DLG2: variants seen among roughly 807,000 people sequenced by gnomAD.
The protein encoded by DLG2 is disks large homolog 2.
A neutral mutation model predicts 132.5 loss-of-function variants in DLG2; 45 were observed. That is an observed-to-expected ratio of 0.34 (90% CI 0.27 to 0.44). The LOEUF (loss-of-function observed/expected upper bound fraction) is 0.44, where lower values mean the gene tolerates loss of function less well. Among genes scored for constraint, DLG2 ranks in the 20% least tolerant of loss-of-function variants. The pLI, the probability that DLG2 is intolerant of heterozygous loss-of-function variation, is 1.00. For synonymous variants in DLG2, 424 were observed against 419.6 expected (o/e 1.01, Z -0.13); for missense variants, 1,045 against 1,196.9 (o/e 0.87, Z 1.87).
chr11:84,799,139 G>A (rs1364967910), intron 6 of DLG2, among the ~76,000 whole-genome samples: 2 of 152,180 alleles, frequency 1.3e-5, no homozygotes, highest in Non-Finnish European at 2.9e-5. Context: ...GCTTGCCTAA[G>A]AATTACAGTC....
chr11:84,105,834 C>A (rs2092867520), intron 9 of DLG2, among the ~76,000 whole-genome samples: 1 of 152,162 alleles, frequency 6.6e-6, no homozygotes, highest in Admixed American at 6.6e-5. Flanking sequence ...GAACACCTAT[C>A]TGTTCCTTTT....
intron 9 of DLG2, among the ~76,000 whole-genome samples, chr11:84,123,003 G>T (rs892358139): frequency 5.3e-5 from 8 of 152,028 alleles, no homozygotes; most frequent in Admixed American, 3.3e-4. Flanking sequence ...GAAGAAAGAA[G>T]GAAAATATTG....
chr11:83,733,939 A>G (rs1315510414), intron 18 of DLG2, among the ~76,000 whole-genome samples: 1 of 145,864 alleles, frequency 6.9e-6, no homozygotes, highest in Non-Finnish European at 1.5e-5. Context: ...CACCCTCCCA[A>G]GTCTCCAGTG....
rs150860987 is a variant in DLG2, at chr11:85,485,721, G to A, written c.40+112936C>T. Among the ~76,000 whole-genome samples the A allele has an allele frequency of 2.4e-4, 37 of 152,258 alleles. No homozygotes were observed. The Middle Eastern group carries it at 0.01, about 42-fold the overall frequency. On this transcript the variant is annotated intron_variant, in intron 3 of 27. Coordinates refer to ENST00000376104, the MANE Select transcript of DLG2 (RefSeq NM_001142699.3). ...TTCTTGGCTATGAGAGAACCTCTTGGCCCACAGACCTTTGGCCTGACATGA... is the reference window on the plus strand; with the variant it reads ...TTCTTGGCTATGAGAGAACCTCTTGACCCACAGACCTTTGGCCTGACATGA...
At chr11:83,799,885 A>G (rs927800265) in intron 17 of DLG2, among the ~76,000 whole-genome samples, 3 of 152,244 alleles carry the variant, frequency 2.0e-5, no homozygotes, top group Admixed American at 6.5e-5. Context: ...TCCTGTGGTC[A>G]GTACCCTGGT....
intron 26 of DLG2, among the ~76,000 whole-genome samples, chr11:83,464,789 G>A (rs2090702333): frequency 6.6e-6 from 1 of 151,882 alleles, no homozygotes; most frequent in African/African-American, 2.4e-5. Context: ...CATTCCCCTG[G>A]GAAGCCATTT....
intron 7 of DLG2, among the ~76,000 whole-genome samples, chr11:84,315,972 TC>T (rs2098350166): frequency 6.6e-6 from 1 of 152,292 alleles, no homozygotes; most frequent in Middle Eastern, 3.4e-3. Context: ...TATTAAACAG[TC>T]ATTGTTCTGT....
chr11:84,262,261 G>A (rs2097557096), intron 7 of DLG2, among the ~76,000 whole-genome samples: 1 of 152,288 alleles, frequency 6.6e-6, no homozygotes, highest in East Asian at 1.9e-4. Flanking sequence ...ATGGAACAAG[G>A]ATGGTAGCTG....
intron 5 of DLG2, among the ~76,000 whole-genome samples, chr11:85,153,059 C>T (rs1001814262): frequency 6.6e-5 from 10 of 152,198 alleles, no homozygotes; most frequent in African/African-American, 2.4e-4. Flanking sequence ...TCAATCCTTT[C>T]ATATATAACT....
chr11:85,393,976 G>C (rs926313300), intron 3 of DLG2, among the ~76,000 whole-genome samples: 21 of 151,822 alleles, frequency 1.4e-4, no homozygotes, highest in Non-Finnish European at 2.5e-4. Context: ...TCAGGGGATG[G>C]GTGCACCAAA....
chr11:83,957,522 A>C (rs1027797444), intron 14 of DLG2, among the ~76,000 whole-genome samples: 1 of 149,110 alleles, frequency 6.7e-6, no homozygotes, highest in Non-Finnish European at 1.5e-5. Context: ...CTTTTTTTCC[A>C]GTGGTCTCTC....
At chr11:84,854,086 A>T (rs1209933401) in intron 6 of DLG2, among the ~76,000 whole-genome samples, 1 of 152,020 alleles carries the variant, frequency 6.6e-6, no homozygotes, top group African/African-American at 2.4e-5. Context: ...CATTGCTTAT[A>T]TGTTGACAGG....
At chr11:83,810,881 T>C (rs2047086330) in intron 17 of DLG2, among the ~76,000 whole-genome samples, 1 of 152,088 alleles carries the variant, frequency 6.6e-6, no homozygotes, top group African/African-American at 2.4e-5. Context: ...ATATATAAGA[T>C]GATCTCCTAC....
chr11:85,491,331 T>C (rs2093556051), intron 3 of DLG2, among the ~76,000 whole-genome samples: 1 of 152,122 alleles, frequency 6.6e-6, no homozygotes, highest in Non-Finnish European at 1.5e-5. Flanking sequence ...AGGAAAAAGA[T>C]GAAAGCATTT....
At chr11:84,021,241 G>A (rs1384182257) in intron 11 of DLG2, among the ~76,000 whole-genome samples, 1 of 151,902 alleles carries the variant, frequency 6.6e-6, no homozygotes, top group Non-Finnish European at 1.5e-5. Context: ...AAAAGTAACT[G>A]AGACTCAGAA....
chr11:84,252,145 T>C (rs1445775164), intron 7 of DLG2, among the ~76,000 whole-genome samples: 2 of 125,794 alleles, frequency 1.6e-5, no homozygotes, highest in East Asian at 2.3e-4. Context: ...TCTTTCTTTT[T>C]TTTTTTTTTT....
intron 16 of DLG2, among the ~76,000 whole-genome samples, chr11:83,867,813 T>C (rs554961422): frequency 1.3e-5 from 2 of 152,294 alleles, no homozygotes; most frequent in South Asian, 4.1e-4. Flanking sequence ...TTCCTAGCTC[T>C]CCATAGTCTC....
chr11:84,199,618 C>T (rs781720006), intron 8 of DLG2, among the ~76,000 whole-genome samples: 2 of 151,608 alleles, frequency 1.3e-5, no homozygotes, highest in Non-Finnish European at 2.9e-5. Context: ...TTAAAAAGAA[C>T]AAAATCAAAA....
intron 3 of DLG2, among the ~76,000 whole-genome samples, chr11:85,541,272 T>C (rs1023701036): frequency 6.6e-6 from 1 of 152,144 alleles, no homozygotes; most frequent in Admixed American, 6.5e-5. Context: ...TTAATACTTA[T>C]GTATTTATAG....
Sources: allele counts gnomAD v4.1 joint callset (sites outside exome capture counted in the v4.1 genomes callset), GRCh38; gene constraint gnomAD v4.1.1; transcripts MANE v1.5; gene names NCBI Gene and HGNC (gene_info 2026-07-23, HGNC 2026-07-21).